The following CLEC16A variants were observed in gnomAD, a reference collection of about 807,000 sequenced individuals.
CLEC16A encodes the protein C-type lectin domain containing 16A.
A neutral mutation model predicts 109.5 loss-of-function variants in CLEC16A; 51 were observed. The ratio of observed to expected loss-of-function variants is 0.47; its 90% CI spans 0.37 to 0.59. The LOEUF is 0.59. Ranked by LOEUF, CLEC16A falls within the 20% of genes least tolerant of loss-of-function variation. The pLI, the probability that CLEC16A is intolerant of heterozygous loss-of-function variation, is 0.00. For synonymous variants in CLEC16A, 673 were observed against 564.2 expected, an observed-to-expected ratio of 1.19 and a Z score of -2.73; for missense variants, 1,339 against 1,394.0, an observed-to-expected ratio of 0.96 and a Z score of 0.63.
At chr16:11,090,200 A>T (rs911103681) in intron 19 of CLEC16A, among the ~76,000 whole-genome samples, 3 of 152,150 alleles carry the variant, frequency 2.0e-5, no homozygotes, top group South Asian at 2.1e-4. Context: ...TGCGTCAGTC[A>T]TGGGAGTGAG....
intron 3 of CLEC16A, among the ~76,000 whole-genome samples, chr16:10,963,265 C>G (rs549203639): frequency 4.6e-5 from 7 of 152,148 alleles, no homozygotes; most frequent in Admixed American, 6.5e-5. Flanking sequence ...AACCCCCACC[C>G]TTATGACCTC....
At chr16:11,061,691 A>T (rs1228345811) in intron 19 of CLEC16A, among the ~76,000 whole-genome samples, 4 of 152,194 alleles carry the variant, frequency 2.6e-5, no homozygotes, top group Admixed American at 6.5e-5. Flanking sequence ...CTGTTTCTTA[A>T]CGGCATTGTG....
At chr16:11,177,043 C>T (rs1224073247) in intron 23 of CLEC16A, among the ~76,000 whole-genome samples, 1 of 152,218 alleles carries the variant, frequency 6.6e-6, no homozygotes, top group African/African-American at 2.4e-5. Context: ...TTCTACCATG[C>T]TTCCCGGGTC....
intron 20 of CLEC16A, among the ~76,000 whole-genome samples, chr16:11,122,699 CTTT>C (rs2086705199): frequency 6.6e-6 from 1 of 152,146 alleles, no homozygotes; most frequent in South Asian, 2.1e-4. Flanking sequence ...ACATTTCTGA[CTTT>C]TGTGTTCATT....
intron 19 of CLEC16A, among the ~76,000 whole-genome samples, chr16:11,113,861 G>A (rs1171720013): frequency 6.6e-6 from 1 of 152,146 alleles, no homozygotes; most frequent in African/African-American, 2.4e-5. Context: ...ACTCTTCACA[G>A]TCTTTTAGCC....
chr16:11,069,167 G>C (rs2048924625), intron 19 of CLEC16A, among the ~76,000 whole-genome samples: 1 of 152,052 alleles, frequency 6.6e-6, no homozygotes, highest in Non-Finnish European at 1.5e-5. Flanking sequence ...TCACTCTGTT[G>C]CCCAGGATGA....
Position 11,133,353 on chromosome 16 carries a change from A to AT in CLEC16A, c.2641+7217dup, listed in dbSNP as rs576281033. 6.1e-3 allele frequency among the ~76,000 whole-genome samples: 914 copies of AT among 149,188 alleles called. 11 individuals carry two copies. Among genetic ancestry groups the AT allele is most frequent in the East Asian group, 0.015 (75 of 5,092 alleles). ...GACTCTGTCTCAAAAAAAAAAAAAA[A>AT]TTTTTTTTTTGACTCTCCTGAGTAT... On this transcript the variant is annotated intron_variant, in intron 22 of 23. Transcript: ENST00000409790.
chr16:11,063,551 T>G (rs1202554499), intron 19 of CLEC16A, among the ~76,000 whole-genome samples: 1 of 152,094 alleles, frequency 6.6e-6, no homozygotes, highest in African/African-American at 2.4e-5. Flanking sequence ...TCTGCTAGGC[T>G]TAAAGGAGTG....
At chr16:11,025,256 A>G (rs996321774) in intron 13 of CLEC16A, among the ~76,000 whole-genome samples, 3 of 152,180 alleles carry the variant, frequency 2.0e-5, no homozygotes, top group African/African-American at 7.2e-5. Context: ...CTTTCCTAAC[A>G]TCAGAACTGA....
intron 22 of CLEC16A, among the ~76,000 whole-genome samples, chr16:11,135,229 C>G (rs980185767): frequency 4.6e-5 from 7 of 152,198 alleles, no homozygotes; most frequent in African/African-American, 7.2e-5. Flanking sequence ...CAGCCCTGAG[C>G]TGAGTCCAAG....
At chr16:11,023,711 C>T (rs1399208850) in intron 12 of CLEC16A, among the ~76,000 whole-genome samples, 1 of 152,036 alleles carries the variant, frequency 6.6e-6, no homozygotes, top group Non-Finnish European at 1.5e-5. Context: ...AGTGAACACT[C>T]CCTGTTTCTC....
intron 19 of CLEC16A, among the ~76,000 whole-genome samples, chr16:11,101,810 C>G (rs891871446): frequency 6.8e-6 from 1 of 146,808 alleles, no homozygotes; most frequent in Non-Finnish European, 1.5e-5. Flanking sequence ...CTTTTCTTTT[C>G]TTTTTTTTTT....
rs967643862 is a variant in CLEC16A, at chr16:11,182,155, A to G, written c.*3465A>G. ...AACTGGAACTTCCTTGTAAATTTAA[A>G]CTTGGCAATAAAAGAGAAAAAAAGT... On this transcript the variant is annotated 3_prime_UTR_variant, in exon 24 of 24. Coordinates refer to ENST00000409790, the MANE Select transcript of CLEC16A (RefSeq NM_015226.3). 6.6e-6 allele frequency: 1 copy of G among 152,162 alleles called. No homozygotes were observed. The highest frequency in any genetic ancestry group is 1.5e-5 in the Non-Finnish European group (1 of 68,026). The allele number at this position is 152,162 out of a possible 1,614,324, so 9.4% of individuals were successfully genotyped here. A position where few individuals can be genotyped will look rare whatever the true frequency, so the allele number is the denominator to read the frequency against.
rs1161503681 is a variant in CLEC16A at position 11,042,578 on chromosome 16, T to C, written c.1770+215T>C. 2.0e-5 allele frequency among the ~76,000 whole-genome samples: 3 copies of C among 152,234 alleles called. No individual in the cohort carries two copies. The East Asian group carries it at 5.8e-4, about 29-fold the overall frequency. Reference sequence around the variant, plus strand: ...AGACTCGCTGAAGAGTCCACTTAATTGAGTTTTAGTAGTTTCTGTTGCAAT... The same window carrying C: ...AGACTCGCTGAAGAGTCCACTTAATCGAGTTTTAGTAGTTTCTGTTGCAAT... On this transcript the variant is annotated intron_variant, in intron 15 of 23. Coordinates refer to ENST00000409790, the MANE Select transcript of CLEC16A (RefSeq NM_015226.3).
chr16:11,061,437 C>G (rs1162810876), intron 19 of CLEC16A, among the ~76,000 whole-genome samples: 2 of 152,104 alleles, frequency 1.3e-5, no homozygotes, highest in African/African-American at 4.8e-5. Flanking sequence ...AGCAAAACAC[C>G]AGTGTTTAGG....
chr16:10,998,736 A>G (rs1205723835), intron 10 of CLEC16A, among the ~76,000 whole-genome samples: 3 of 151,880 alleles, frequency 2.0e-5, no homozygotes, highest in African/African-American at 4.8e-5. Flanking sequence ...TCCTACAGCC[A>G]TGAGCTCACT....
chr16:11,068,650 C>T (rs1203202153), intron 19 of CLEC16A, among the ~76,000 whole-genome samples: 3 of 152,196 alleles, frequency 2.0e-5, no homozygotes, highest in Non-Finnish European at 4.4e-5. Context: ...AAACCACAGG[C>T]TCATCCCTGA....
At position 11,125,923 on chromosome 16, in the gene CLEC16A, A is replaced by G; in HGVS notation, c.2474-56A>G. On this transcript the variant is annotated intron_variant, in intron 21 of 23. Coordinates refer to ENST00000409790, the MANE Select transcript of CLEC16A (RefSeq NM_015226.3). ...ACGATGTCCCCCCCCCCAAATTCTC[A>G]CCACCCCCCTCTATCCCACATGCTC... is the stretch of plus-strand genomic sequence containing the variant. The G allele has an allele frequency of 9.5e-6, 2 of 211,280 alleles. 1 individual carries two copies. The highest frequency in any genetic ancestry group is 3.8e-3 in the Middle Eastern group (2 of 522). 13.1% of individuals were successfully genotyped at this position (211,280 alleles called of 1,614,324 possible). A position where few individuals can be genotyped will look rare whatever the true frequency, so the allele number is the denominator to read the frequency against.
At chr16:11,096,432 C>A (rs2050614486) in intron 19 of CLEC16A, among the ~76,000 whole-genome samples, 1 of 152,176 alleles carries the variant, frequency 6.6e-6, no homozygotes, top group African/African-American at 2.4e-5. Flanking sequence ...GGTATGTTTT[C>A]TTCCAGACCT....
Sources: allele counts gnomAD v4.1 joint callset (sites outside exome capture counted in the v4.1 genomes callset), GRCh38; gene constraint gnomAD v4.1.1; transcripts MANE v1.5; gene names NCBI Gene and HGNC (gene_info 2026-07-23, HGNC 2026-07-21).